Variants in REEP1 observed in about 807,000 individuals in gnomAD.
The protein encoded by REEP1 is receptor expression-enhancing protein 1.
A neutral mutation model predicts 40.3 loss-of-function variants in REEP1; 22 were observed. The observed-to-expected ratio is 0.55, with a 90% CI of 0.39 to 0.78. REEP1 has a LOEUF of 0.78. Ranked by LOEUF, REEP1 falls within the 30% of genes least tolerant of loss-of-function variation. The pLI, the probability that REEP1 is intolerant of heterozygous loss-of-function variation, is 0.00. For missense variants in REEP1, 280 were observed against 361.1 expected (o/e 0.78, Z 1.82); for synonymous variants, 116 against 139.2 (o/e 0.83, Z 1.17).
At chr2:86,290,172 T>G (rs1427943147) in intron 1 of REEP1, among the ~76,000 whole-genome samples, 1 of 152,078 alleles carries the variant, frequency 6.6e-6, no homozygotes, top group Non-Finnish European at 1.5e-5. Flanking sequence ...GATTTTTGTA[T>G]TTTTAGTGGA....
intron 1 of REEP1, among the ~76,000 whole-genome samples, chr2:86,332,563 C>A (rs1680825643): frequency 6.6e-6 from 1 of 152,040 alleles, no homozygotes; most frequent in Admixed American, 6.6e-5. Context: ...TCATTCTCCC[C>A]AGGGCTCCTC....
At chr2:86,300,531 TC>T (rs1397684315) in intron 1 of REEP1, among the ~76,000 whole-genome samples, 9 of 151,866 alleles carry the variant, frequency 5.9e-5, no homozygotes, top group African/African-American at 2.2e-4. Flanking sequence ...AAAGTAGAAG[TC>T]TAGGGTGAGA....
intron 1 of REEP1, among the ~76,000 whole-genome samples, chr2:86,317,689 T>G (rs560373028): frequency 6.6e-6 from 1 of 152,210 alleles, no homozygotes; most frequent in Non-Finnish European, 1.5e-5. Context: ...CATTTAAGAA[T>G]GTCATAGATG....
At chr2:86,295,776 T>C (rs1434486604) in intron 1 of REEP1, among the ~76,000 whole-genome samples, 1 of 152,200 alleles carries the variant, frequency 6.6e-6, no homozygotes, top group Non-Finnish European at 1.5e-5. Context: ...CCTGACCTCG[T>C]GATCCGCCCG....
At chr2:86,323,541 T>C (rs1165035598) in intron 1 of REEP1, among the ~76,000 whole-genome samples, 1 of 152,140 alleles carries the variant, frequency 6.6e-6, no homozygotes, top group Non-Finnish European at 1.5e-5. Flanking sequence ...GAATTGCGCA[T>C]GTGAGAGACT....
chr2:86,334,742 G>A (rs1680933030), intron 1 of REEP1, among the ~76,000 whole-genome samples: 1 of 152,176 alleles, frequency 6.6e-6, no homozygotes, highest in Non-Finnish European at 1.5e-5. Context: ...CAGGCTGGGT[G>A]GCCCTCAGGG....
chr2:86,259,127 G>A (rs1676721557), intron 3 of REEP1, among the ~76,000 whole-genome samples: 1 of 151,764 alleles, frequency 6.6e-6, no homozygotes, highest in Non-Finnish European at 1.5e-5. Flanking sequence ...CTAACATGGT[G>A]AAAATACAAA....
rs563784032 is a variant in REEP1, at chr2:86,228,978, A to G, written c.596-1580T>C. ...TGTTTTGCACTTTTCTTCACCTGGC[A>G]TCATGCTTTCAAGTTCCACTGTGTG... On this transcript the variant is annotated intron_variant, in intron 6 of 8. Coordinates refer to ENST00000538924, the MANE Select transcript of REEP1 (RefSeq NM_001371279.1). Among the ~76,000 whole-genome samples, 3 of 152,322 alleles carry G rather than the reference A, an allele frequency of 2.0e-5. No homozygotes were observed. The East Asian group carries it at 5.8e-4, about 29-fold the overall frequency.
chr2:86,238,826 G>A (rs140784429), intron 5 of REEP1, among the ~76,000 whole-genome samples: 1 of 152,288 alleles, frequency 6.6e-6, no homozygotes, highest in African/African-American at 2.4e-5. Context: ...ATGTGTGTTA[G>A]TATTTGTCAC....
intron 1 of REEP1, among the ~76,000 whole-genome samples, chr2:86,310,792 C>G (rs1272324489): frequency 6.6e-6 from 1 of 151,892 alleles, no homozygotes; most frequent in Non-Finnish European, 1.5e-5. Context: ...TAAAAGGAAG[C>G]AAAAGACAGG....
chr2:86,247,112 G>A (rs926320850), intron 5 of REEP1, among the ~76,000 whole-genome samples: 1 of 151,978 alleles, frequency 6.6e-6, no homozygotes, highest in Admixed American at 6.6e-5. Flanking sequence ...AAAGATCTGG[G>A]GTTCAGTTTT....
intron 2 of REEP1, among the ~76,000 whole-genome samples, chr2:86,267,022 C>CA (rs1417493533): frequency 3.0e-4 from 44 of 145,544 alleles, no homozygotes; most frequent in Non-Finnish European, 4.1e-4. Flanking sequence ...AAAAAAAAAA[C>CA]AAAAAAAAAC....
In REEP1 at chr2:86,232,565, C is replaced by T. The variant is rs981466639; in HGVS notation, c.595+60G>A. 212 of 1,585,816 alleles carry T rather than the reference C, an allele frequency of 1.3e-4. 3 individuals carry two copies. The highest frequency in any genetic ancestry group is 1.6e-4 in the Non-Finnish European group (190 of 1,163,024). ...CTGCATGCCACACTGCGGACTGGGC[C>T]TCTCTCAATGAAAGCGAGGCCCAAG... On this transcript the variant is annotated intron_variant, in intron 6 of 8. Transcript: ENST00000538924.
chr2:86,263,884 G>A, intron 3 of REEP1, 81 bp downstream of exon 3: 1 of 1,020,610 alleles, frequency 9.8e-7, no homozygotes, highest in Non-Finnish European at 1.6e-6. Context: ...TTTGAGGCTG[G>A]GTTCAGCCCT....
At chr2:86,265,162 A>G (rs965798499) in intron 2 of REEP1, among the ~76,000 whole-genome samples, 1 of 152,214 alleles carries the variant, frequency 6.6e-6, no homozygotes, top group Non-Finnish European at 1.5e-5. Flanking sequence ...AGATATAAAT[A>G]CATATAGATA....
chr2:86,257,887 C>T (rs1465330291), intron 3 of REEP1, among the ~76,000 whole-genome samples: 1 of 152,152 alleles, frequency 6.6e-6, no homozygotes, highest in Non-Finnish European at 1.5e-5. Flanking sequence ...GATCCGCCCG[C>T]CTGGGATTAC....
intron 1 of REEP1, among the ~76,000 whole-genome samples, chr2:86,300,239 T>C (rs569281239): frequency 7.2e-4 from 109 of 152,340 alleles, no homozygotes; most frequent in Non-Finnish European, 1.2e-3. Context: ...ATTCTGCCTC[T>C]TTAGCCAAAT....
chr2:86,291,336 T>C, intron 1 of REEP1, among the ~76,000 whole-genome samples: 1 of 152,126 alleles, frequency 6.6e-6, no homozygotes, highest in Admixed American at 6.6e-5. Context: ...ACAGTATAAT[T>C]TTAGGGTTTC....
chr2:86,282,045 T>A (rs1365513567), intron 2 of REEP1, 125 bp downstream of exon 2: 2 of 744,100 alleles, frequency 2.7e-6, no homozygotes, highest in South Asian at 2.7e-5. Context: ...TCATGAGAAC[T>A]GTGATGAAGG....
Sources: gnomAD v4.1 joint callset for allele counts (sites outside exome capture counted in the v4.1 genomes callset) on GRCh38, gnomAD v4.1.1 for gene constraint, MANE v1.5 for transcripts, NCBI Gene and HGNC (gene_info 2026-07-23, HGNC 2026-07-21) for gene names.